The following CD74 variants were observed in gnomAD, a reference collection of about 807,000 sequenced individuals.
The protein encoded by CD74 is HLA class II histocompatibility antigen gamma chain.
A neutral mutation model predicts 37.1 loss-of-function variants in CD74; 20 were observed. The observed-to-expected ratio is 0.54, with a 90% CI of 0.38 to 0.78. The LOEUF is 0.78. CD74 is among the 30% of genes least tolerant of loss of function. The probability of loss-of-function intolerance (pLI) is 0.00; values close to 1 mark genes in which losing one functional copy is unlikely to be tolerated. For synonymous variants in CD74, 150 were observed against 152.0 expected (o/e 0.99, Z 0.10); for missense variants, 338 against 389.5 (o/e 0.87, Z 1.11).
At chr5:150,412,565 C>G in intron 1 of CD74, 60 bp downstream of exon 1, 1 of 1,284,922 alleles carries the variant, frequency 7.8e-7, no homozygotes, top group Non-Finnish European at 1.1e-6. Context: ...TTCTTCCCAG[C>G]ACATGCGCAC....
Position 150,403,368 on chromosome 5 carries a change from C to A in CD74, c.626-56G>T. The stretch of plus-strand genomic sequence containing the variant: ...GAGTGAGTGAGCTCTGAACCAGGGT[C>A]TGAGCAGAGCTAAAGACCCACACAC... On this transcript the variant is annotated intron_variant, in intron 6 of 8. Coordinates refer to ENST00000009530, the MANE Select transcript of CD74 (RefSeq NM_001025159.3). The surrounding 1 kb of genome is among the most constrained non-coding windows in gnomAD (Gnocchi z 4.5). The A allele has an allele frequency of 6.7e-7, 1 of 1,493,774 alleles. No individual in the cohort carries two copies. The highest frequency in any genetic ancestry group is 9.3e-7 in the Non-Finnish European group (1 of 1,071,904). The allele number at this position is 1,493,774 out of a possible 1,614,324, so 92.5% of individuals were successfully genotyped here.
rs1769761185 is a variant in CD74 at position 150,403,401 on chromosome 5, G to T, written c.626-89C>A. On this transcript the variant is annotated intron_variant, in intron 6 of 8. Transcript: ENST00000009530. The surrounding 1 kb of genome is among the most constrained non-coding windows in gnomAD (Gnocchi z 4.5). Reference sequence around the variant, plus strand: ...AGCTAAAGACCCACACACCACTGCTGTGGGCTTAATGCCTTCTTCCCAAGT... The same window carrying T: ...AGCTAAAGACCCACACACCACTGCTTTGGGCTTAATGCCTTCTTCCCAAGT... 1 of 1,194,580 alleles carries T rather than the reference G, an allele frequency of 8.4e-7. No homozygotes were observed. Among genetic ancestry groups the T allele is most frequent in the Non-Finnish European group, 1.2e-6 (1 of 810,320 alleles). The allele number at this position is 1,194,580 out of a possible 1,614,324, so 74.0% of individuals were successfully genotyped here.
Position 150,402,349 on chromosome 5 carries a change from C to T in CD74, c.881-99G>A, listed in dbSNP as rs893841807. 7 of 948,294 alleles carry T rather than the reference C, an allele frequency of 7.4e-6. No homozygotes were observed. The African/African-American group carries it at 9.6e-5, about 13-fold the overall frequency. 58.7% of individuals were successfully genotyped at this position (948,294 alleles called of 1,614,324 possible). ...CTGCAGAGCAGTTAAGGACTGTCCA[C>T]CCTCCCCTGCCCCCTGCTCAGGTCC... On this transcript the variant is annotated intron_variant, in intron 8 of 8. Coordinates refer to ENST00000009530, the MANE Select transcript of CD74 (RefSeq NM_001025159.3). The surrounding 1 kb of genome is among the most constrained non-coding windows in gnomAD (Gnocchi z 4.2).
At chr5:150,410,679 TAAAA>T (rs753661401) in intron 1 of CD74, among the ~76,000 whole-genome samples, 5 of 110,382 alleles carry the variant, frequency 4.5e-5, no homozygotes, top group African/African-American at 3.3e-5. Context: ...CTTCTGCAAT[TAAAA>T]AAAAAAAAAA....
chr5:150,406,739 C>T (rs1769984700), intron 3 of CD74, 142 bp downstream of exon 3: 2 of 610,624 alleles, frequency 3.3e-6, no homozygotes, highest in Non-Finnish European at 5.8e-6. Context: ...GAGCCCGATT[C>T]TTCCTGAGGC....
Position 150,402,288 on chromosome 5 carries a change from C to A in CD74, c.881-38G>T, listed in dbSNP as rs1372480603. The A allele has an allele frequency of 1.4e-6, 2 of 1,477,366 alleles. No individual in the cohort carries two copies. The highest frequency in any genetic ancestry group is 3.6e-5 in the Admixed American group (2 of 55,536). 91.5% of individuals were successfully genotyped at this position (1,477,366 alleles called of 1,614,324 possible). A position where few individuals can be genotyped will look rare whatever the true frequency, so the allele number is the denominator to read the frequency against. ...GCAGCAGGTTGAGGTTGGGGTCACC[C>A]ATTTGTTGTCCCTGCCCCTTTCTAA... On this transcript the variant is annotated intron_variant, in intron 8 of 8. Coordinates refer to ENST00000009530, the MANE Select transcript of CD74 (RefSeq NM_001025159.3). The surrounding 1 kb of genome is among the most constrained non-coding windows in gnomAD (Gnocchi z 4.2).
intron 1 of CD74, among the ~76,000 whole-genome samples, chr5:150,408,715 A>G (rs1770146202): frequency 6.6e-6 from 1 of 152,180 alleles, no homozygotes; most frequent in South Asian, 2.1e-4. Context: ...CCTACACCCC[A>G]GGAGTTTCTG....
At position 150,402,071 on chromosome 5, in the gene CD74, C is replaced by T; in HGVS notation, c.*169G>A. 1 of 1,540,202 alleles carries T rather than the reference C, an allele frequency of 6.5e-7. No homozygotes were observed. The highest frequency in any genetic ancestry group is 8.7e-7 in the Non-Finnish European group (1 of 1,146,840). ...CAGGGCCTTGCTGCATTGTTATCTG[C>T]TGTTCCGACTTGGTTTGTCTTGTCC... On this transcript the variant is annotated 3_prime_UTR_variant, in exon 9 of 9. Transcript: ENST00000009530. The surrounding 1 kb of genome is among the most constrained non-coding windows in gnomAD (Gnocchi z 4.2).
In CD74 at chr5:150,402,243, C is replaced by T. The variant is rs375103772; in HGVS notation, c.888G>A (p.Met296Ile). The change falls in exon 9 of 9, where the codon ATG (methionine) becomes ATA (isoleucine). Residue 296 changes from methionine to isoleucine, a missense_variant. Transcript: ENST00000009530. The surrounding 1 kb of genome is among the most constrained non-coding windows in gnomAD (Gnocchi z 4.2). ...TTGAAGACCGCCTCTGCTGCTCTCA[C>T]ATGGGGACTGGAGAGAGAAGCAGCA... Reference protein sequence around the residue: ...VTKQDLGPVPM With the variant: ...VTKQDLGPVPI 2.4e-5 allele frequency: 38 copies of T among 1,601,074 alleles called. No homozygotes were observed. In the African/African-American group the frequency reaches 4.8e-4, roughly 20 times the overall value.
At chr5:150,405,006 C>T in intron 5 of CD74, 79 bp downstream of exon 5, 2 of 1,332,188 alleles carry the variant, frequency 1.5e-6, no homozygotes, top group Non-Finnish European at 2.1e-6. Flanking sequence ...TTCCCCAGCC[C>T]ACCCTCACCC....
Position 150,403,034 on chromosome 5 carries a change from T to G in CD74, c.817+87A>C, listed in dbSNP as rs1320933266. 1.4e-5 allele frequency: 16 copies of G among 1,173,066 alleles called. No individual in the cohort carries two copies. The East Asian group carries it at 3.3e-4, about 24-fold the overall frequency. The allele number at this position is 1,173,066 out of a possible 1,614,324, so 72.7% of individuals were successfully genotyped here. On this transcript the variant is annotated intron_variant, in intron 7 of 8. Coordinates refer to ENST00000009530, the MANE Select transcript of CD74 (RefSeq NM_001025159.3). The surrounding 1 kb of genome is among the most constrained non-coding windows in gnomAD (Gnocchi z 4.5). ...GGAGCTGCCATCCTGGGTGTCCTGG[T>G]CCCATGTGCTTCAGAGGGGACCTCT...
chr5:150,404,264 G>T (rs905092931), intron 6 of CD74, among the ~76,000 whole-genome samples: 3 of 152,180 alleles, frequency 2.0e-5, no homozygotes, highest in Non-Finnish European at 4.4e-5. Context: ...GGTGGGAAAC[G>T]CCCAAGGCTC....
Position 150,402,096 on chromosome 5 carries a change from C to T in CD74, c.*144G>A. On this transcript the variant is annotated 3_prime_UTR_variant, in exon 9 of 9. Coordinates refer to ENST00000009530, the MANE Select transcript of CD74 (RefSeq NM_001025159.3). The surrounding 1 kb of genome is among the most constrained non-coding windows in gnomAD (Gnocchi z 4.2). ...CTGTTCCGACTTGGTTTGTCTTGTC[C>T]AAGGGTGACGAAAGAGCCAGGCACC... 6.5e-7 allele frequency: 1 copy of T among 1,544,256 alleles called. No homozygotes were observed. The highest frequency in any genetic ancestry group is 8.7e-7 in the Non-Finnish European group (1 of 1,146,446).
intron 4 of CD74, 73 bp from the exon 5 acceptor site, chr5:150,405,253 C>T (rs774181618): frequency 1.7e-5 from 26 of 1,506,950 alleles, no homozygotes; most frequent in African/African-American, 2.8e-5. Flanking sequence ...GTGTAGCCCA[C>T]GTTCCCTTGG....
Position 150,403,993 on chromosome 5 carries a change from G to T in CD74, c.626-681C>A, listed in dbSNP as rs1769797348. Among the ~76,000 whole-genome samples the T allele has an allele frequency of 6.6e-6, 1 of 152,238 alleles. No homozygotes were observed. The highest frequency in any genetic ancestry group is 2.4e-5 in the African/African-American group (1 of 41,452). On this transcript the variant is annotated intron_variant, in intron 6 of 8. Transcript: ENST00000009530. The surrounding 1 kb of genome is among the most constrained non-coding windows in gnomAD (Gnocchi z 4.5). Reference sequence around the variant, plus strand: ...CTGGGAGTTCTCAAGTAGAAATGGGGTTTACCGTTTGTTGGAGATGTCTTA... The same window carrying T: ...CTGGGAGTTCTCAAGTAGAAATGGGTTTTACCGTTTGTTGGAGATGTCTTA...
Position 150,402,260 on chromosome 5 carries a change from G to A in CD74, c.881-10C>T, listed in dbSNP as rs1442003818. On this transcript the variant is annotated splice_polypyrimidine_tract_variant and intron_variant, in intron 8 of 8. Transcript: ENST00000009530. This position sits in a 1 kb window ranked among gnomAD's most constrained non-coding sequence, Gnocchi z 4.2. The stretch of plus-strand genomic sequence containing the variant: ...TGCTCTCACATGGGGACTGGAGAGA[G>A]AAGCAGCAGGTTGAGGTTGGGGTCA... 6.3e-7 allele frequency: 1 copy of A among 1,588,012 alleles called. No homozygotes were observed. The highest frequency in any genetic ancestry group is 8.6e-7 in the Non-Finnish European group (1 of 1,162,788).
At chr5:150,410,457 AGAT>A in intron 1 of CD74, among the ~76,000 whole-genome samples, 1 of 152,314 alleles carries the variant, frequency 6.6e-6, no homozygotes, top group African/African-American at 2.4e-5. Context: ...ACATTAAATA[AGAT>A]GATGAGGGTA....
chr5:150,402,352 T>TC lies in CD74; in HGVS notation c.881-103dup. 1 of 952,798 alleles carries TC rather than the reference T, an allele frequency of 1.0e-6. No homozygotes were observed. The highest frequency in any genetic ancestry group is 1.4e-5 in the South Asian group (1 of 70,050). The allele number at this position is 952,798 out of a possible 1,614,324, so 59.0% of individuals were successfully genotyped here. A position where few individuals can be genotyped will look rare whatever the true frequency, so the allele number is the denominator to read the frequency against. On this transcript the variant is annotated intron_variant, in intron 8 of 8. Transcript: ENST00000009530. This position sits in a 1 kb window ranked among gnomAD's most constrained non-coding sequence, Gnocchi z 4.2. ...CAGAGCAGTTAAGGACTGTCCACCC[T>TC]CCCCTGCCCCCTGCTCAGGTCCAAT...
rs1770077259 is a variant in CD74 at position 150,407,842 on chromosome 5, C to T, written c.126-518G>A. On this transcript the variant is annotated intron_variant, in intron 1 of 8. Coordinates refer to ENST00000009530, the MANE Select transcript of CD74 (RefSeq NM_001025159.3). This position sits in a 1 kb window ranked among gnomAD's most constrained non-coding sequence, Gnocchi z 4.4. ...GATCTCGGCTCACTGCAACCTCCAC[C>T]TCCTGGGTTTATGCCATTCTCCTTC... 6.6e-6 allele frequency among the ~76,000 whole-genome samples: 1 copy of T among 152,184 alleles called. No individual in the cohort carries two copies. Among genetic ancestry groups the T allele is most frequent in the African/African-American group, 2.4e-5 (1 of 41,450 alleles).
Sources: gnomAD v4.1 joint callset for allele counts (sites outside exome capture counted in the v4.1 genomes callset) on GRCh38, gnomAD v4.1.1 for gene constraint, Gnocchi (gnomAD v3.1) non-coding constraint, MANE v1.5 for transcripts, NCBI Gene and HGNC (gene_info 2026-07-23, HGNC 2026-07-21) for gene names.